The following HNRNPLL variants were observed in gnomAD, a reference collection of about 807,000 sequenced individuals.
HNRNPLL encodes heterogeneous nuclear ribonucleoprotein L like.
In HNRNPLL, 25 loss-of-function variants were observed where a neutral mutation model predicts 67.1. That is an observed-to-expected ratio of 0.37 (90% CI 0.27 to 0.52). The LOEUF is 0.52. Ranked by LOEUF, HNRNPLL falls within the 20% of genes least tolerant of loss-of-function variation. HNRNPLL has a pLI of 0.90. For synonymous variants in HNRNPLL, 267 were observed against 241.7 expected, an observed-to-expected ratio of 1.10 and a Z score of -0.97; for missense variants, 542 against 673.9, an observed-to-expected ratio of 0.80 and a Z score of 2.17.
intron 7 of HNRNPLL, among the ~76,000 whole-genome samples, chr2:38,574,203 C>T (rs1666208941): frequency 6.6e-6 from 1 of 151,808 alleles, no homozygotes; most frequent in African/African-American, 2.4e-5. Flanking sequence ...CCATCCACAA[C>T]AGATCTAACA....
chr2:38,580,588 A>G (rs939445527), intron 6 of HNRNPLL, among the ~76,000 whole-genome samples: 1 of 152,164 alleles, frequency 6.6e-6, no homozygotes, highest in African/African-American at 2.4e-5. Context: ...ACTCATCTTG[A>G]GCTTTTCCAC....
At chr2:38,598,566 C>G (rs750620185) in intron 1 of HNRNPLL, among the ~76,000 whole-genome samples, 1 of 152,160 alleles carries the variant, frequency 6.6e-6, no homozygotes, top group Non-Finnish European at 1.5e-5. Context: ...TGATGTAGAA[C>G]CAGATTTTTA....
intron 9 of HNRNPLL, 69 bp from the exon 10 acceptor site, chr2:38,569,403 T>C (rs940755537): frequency 2.7e-6 from 3 of 1,101,460 alleles, no homozygotes; most frequent in Non-Finnish European, 4.0e-6. Flanking sequence ...AGTCTCAGAA[T>C]GCTAATATAT....
Position 38,585,680 on chromosome 2 carries a change from CAGA to C in HNRNPLL, c.507_509del (p.Leu171del). The C allele has an allele frequency of 1.2e-6, 2 of 1,610,400 alleles. No homozygotes were observed. The highest frequency in any genetic ancestry group is 1.7e-6 in the Non-Finnish European group (2 of 1,176,636). ...GATAAAGCGGATTCTGAATTGAGAG[CAGA>C]AGAACTTTGTTGCCTCCTGATGGAT... On this transcript the variant is annotated inframe_deletion, in exon 3 of 13. Coordinates refer to ENST00000449105, the MANE Select transcript of HNRNPLL (RefSeq NM_138394.4).
chr2:38,577,707 T>A (rs570618555), intron 6 of HNRNPLL, among the ~76,000 whole-genome samples, 175 bp from the exon 7 acceptor site: 1 of 152,200 alleles, frequency 6.6e-6, no homozygotes, highest in Admixed American at 6.5e-5. Flanking sequence ...ACCAAGAGTG[T>A]AAAAAATTAA....
Position 38,565,609 on chromosome 2 carries a change from C to T in HNRNPLL, c.1574-1372G>A, listed in dbSNP as rs185504831. 7.3e-5 allele frequency among the ~76,000 whole-genome samples: 11 copies of T among 151,594 alleles called. No homozygotes were observed. The East Asian group carries it at 2.1e-3, about 29-fold the overall frequency. Reference sequence around the variant, plus strand: ...TGGATGTGGTGTTGCACTCCTATAGCCCCAGCTATTTGGGAGGCTGAGGTG... The same window carrying T: ...TGGATGTGGTGTTGCACTCCTATAGTCCCAGCTATTTGGGAGGCTGAGGTG... On this transcript the variant is annotated intron_variant, in intron 12 of 12. Coordinates refer to ENST00000449105, the MANE Select transcript of HNRNPLL (RefSeq NM_138394.4).
chr2:38,585,286 G>C (rs537138754), intron 3 of HNRNPLL, among the ~76,000 whole-genome samples: 1 of 152,286 alleles, frequency 6.6e-6, no homozygotes, highest in African/African-American at 2.4e-5. Context: ...CCATAACATG[G>C]GATTCTGTCA....
At chr2:38,596,948 T>C (rs992627668) in intron 1 of HNRNPLL, among the ~76,000 whole-genome samples, 2 of 152,256 alleles carry the variant, frequency 1.3e-5, no homozygotes, top group South Asian at 4.1e-4. Flanking sequence ...CTACAGGCTC[T>C]AGACCAGTCT....
chr2:38,568,013 T>C, intron 12 of HNRNPLL, 186 bp downstream of exon 12: 2 of 510,992 alleles, frequency 3.9e-6, no homozygotes, highest in Non-Finnish European at 6.9e-6. Context: ...TTTAAGATGC[T>C]AAATTTTATG....
chr2:38,595,272 TAAAAAAAA>T lies in HNRNPLL; in HGVS notation c.190-3632_190-3625del, dbSNP rs70954734. Reference sequence around the variant, plus strand: ...CCTGGGTGATGAGCAAGACCTTGTCTAAAAAAAAAAAAAAAAAAAAAAAAAGAAAAGAA... The same window carrying T: ...CCTGGGTGATGAGCAAGACCTTGTCTAAAAAAAAAAAAAAAAAGAAAAGAA... On this transcript the variant is annotated intron_variant, in intron 1 of 12. Transcript: ENST00000449105. Among the ~76,000 whole-genome samples, 495 of 68,768 alleles carry T rather than the reference TAAAAAAAA, an allele frequency of 7.2e-3. 2 individuals are homozygous for T. The highest frequency in any genetic ancestry group is 0.017 in the Admixed American group (89 of 5,140). The allele number at this position is 68,768 out of a possible 152,430, so 45.1% of individuals were successfully genotyped here. A position where few individuals can be genotyped will look rare whatever the true frequency, so the allele number is the denominator to read the frequency against.
In HNRNPLL at chr2:38,568,439, C is replaced by A. The variant is rs1440012990; in HGVS notation, c.1421G>T (p.Cys474Phe). The part of the protein sequence containing the change: ...CVTEETFTKL[C>F]NDHEVLTFIK... ...GAATGTAAGAACTTCATGGTCATTACACAACTGTCAAAGAAAGTAAAACTT... is the reference window on the plus strand; with the variant it reads ...GAATGTAAGAACTTCATGGTCATTAAACAACTGTCAAAGAAAGTAAAACTT... Residue 474 changes from cysteine to phenylalanine, a missense_variant, in exon 11 of 13, where the codon TGT (cysteine) becomes TTT (phenylalanine). Transcript: ENST00000449105. 2.5e-6 allele frequency: 4 copies of A among 1,584,478 alleles called. No individual in the cohort carries two copies. The highest frequency in any genetic ancestry group is 2.6e-6 in the Non-Finnish European group (3 of 1,161,612).
At chr2:38,585,546 C>T (rs139667358) in intron 3 of HNRNPLL, 98 bp downstream of exon 3, 42 of 696,860 alleles carry the variant, frequency 6.0e-5, no homozygotes, top group Non-Finnish European at 1.0e-4. Flanking sequence ...AAACTATTTT[C>T]TAGTATCTAG....
chr2:38,601,038 G>A (rs1217352433), intron 1 of HNRNPLL, among the ~76,000 whole-genome samples: 2 of 152,112 alleles, frequency 1.3e-5, no homozygotes, highest in Admixed American at 6.5e-5. Flanking sequence ...CGAATACATC[G>A]AAATATCAGT....
chr2:38,565,005 AAAAC>A (rs1350054531), intron 12 of HNRNPLL, among the ~76,000 whole-genome samples: 37 of 151,326 alleles, frequency 2.4e-4, no homozygotes, highest in Admixed American at 2.0e-3. Flanking sequence ...TGAAAAAAAA[AAAAC>A]AAACCAACTG....
chr2:38,591,918 G>C (rs909849865), intron 1 of HNRNPLL, among the ~76,000 whole-genome samples: 15 of 152,126 alleles, frequency 9.9e-5, no homozygotes, highest in Non-Finnish European at 1.5e-4. Flanking sequence ...GGAGGCTGCA[G>C]TGAGCCAAGA....
At chr2:38,565,635 G>T (rs1295258224) in intron 12 of HNRNPLL, among the ~76,000 whole-genome samples, 2 of 151,268 alleles carry the variant, frequency 1.3e-5, no homozygotes, top group Non-Finnish European at 2.9e-5. Flanking sequence ...GGCTGAGGTG[G>T]GAGGATCACT....
At chr2:38,565,153 T>C (rs1665807468) in intron 12 of HNRNPLL, among the ~76,000 whole-genome samples, 6 of 152,162 alleles carry the variant, frequency 3.9e-5, no homozygotes, top group Admixed American at 3.9e-4. Context: ...TATCTTAATG[T>C]ATCACAATTT....
chr2:38,597,221 T>C (rs1158764680), intron 1 of HNRNPLL, among the ~76,000 whole-genome samples: 1 of 152,188 alleles, frequency 6.6e-6, no homozygotes, highest in Non-Finnish European at 1.5e-5. Context: ...TTACATAATC[T>C]TTCAATTACC....
intron 6 of HNRNPLL, among the ~76,000 whole-genome samples, chr2:38,579,525 A>G (rs973181264): frequency 1.3e-5 from 2 of 152,058 alleles, no homozygotes; most frequent in African/African-American, 2.4e-5. Flanking sequence ...AACCCTAAAT[A>G]TATCAGTTTC....
Sources: gnomAD v4.1 joint callset for allele counts (sites outside exome capture counted in the v4.1 genomes callset) on GRCh38, gnomAD v4.1.1 for gene constraint, MANE v1.5 for transcripts, NCBI Gene and HGNC (gene_info 2026-07-23, HGNC 2026-07-21) for gene names.